The following SYT17 variants were observed in gnomAD, a reference collection of about 807,000 sequenced individuals.
SYT17 encodes the protein synaptotagmin-17.
In SYT17, 22 loss-of-function variants were observed where a neutral mutation model predicts 46.7. The observed-to-expected ratio is 0.47, with a 90% CI of 0.34 to 0.67. SYT17 has a LOEUF of 0.67. SYT17 is among the 30% of genes least tolerant of loss of function. The pLI, the probability that SYT17 is intolerant of heterozygous loss-of-function variation, is 0.01. For missense variants in SYT17, 519 were observed against 612.8 expected, an observed-to-expected ratio of 0.85 and a Z score of 1.62; for synonymous variants, 251 against 248.4, an observed-to-expected ratio of 1.01 and a Z score of -0.10.
intron 5 of SYT17, 97 bp from the exon 6 acceptor site, chr16:19,222,948 A>G (rs1206067441): frequency 1.3e-6 from 2 of 1,530,480 alleles, no homozygotes; most frequent in Non-Finnish European, 8.9e-7. Flanking sequence ...CGCTCACAGC[A>G]ACCTGTTTGT....
chr16:19,223,424 G>A (rs891310582), intron 6 of SYT17, among the ~76,000 whole-genome samples: 11 of 152,132 alleles, frequency 7.2e-5, no homozygotes, highest in African/African-American at 2.7e-4. Context: ...CAATGTAGAC[G>A]CCATCCTGCA....
intron 7 of SYT17, among the ~76,000 whole-genome samples, chr16:19,232,577 T>C (rs1488840725): frequency 6.6e-6 from 1 of 152,060 alleles, no homozygotes; most frequent in Non-Finnish European, 1.5e-5. Context: ...ACACCTCTAA[T>C]CCCAGCACTT....
chr16:19,245,214 A>G (rs993151803), intron 7 of SYT17, among the ~76,000 whole-genome samples: 4 of 152,140 alleles, frequency 2.6e-5, no homozygotes, highest in African/African-American at 7.2e-5. Flanking sequence ...CTGGGGTGAC[A>G]TTGTCTCCCT....
intron 5 of SYT17, among the ~76,000 whole-genome samples, chr16:19,199,823 A>G (rs973397499): frequency 3.9e-5 from 6 of 152,246 alleles, no homozygotes; most frequent in Non-Finnish European, 5.9e-5. Context: ...ACGTCTTTAC[A>G]TTTCAAGCAG....
At chr16:19,228,749 C>T (rs1371264472) in intron 7 of SYT17, among the ~76,000 whole-genome samples, 3 of 152,172 alleles carry the variant, frequency 2.0e-5, no homozygotes, top group Non-Finnish European at 4.4e-5. Flanking sequence ...CTACAGTTCT[C>T]CTGAACTCAG....
At chr16:19,181,082 ATGGTAGCTGTATGGGAT>A (rs1204853582) in intron 4 of SYT17, among the ~76,000 whole-genome samples, 1 of 152,230 alleles carries the variant, frequency 6.6e-6, no homozygotes, top group Admixed American at 6.5e-5. Flanking sequence ...GCTCTGGCCA[ATGGTAGCTGTATGGGAT>A]TGGGGGCTCC....
intron 7 of SYT17, among the ~76,000 whole-genome samples, chr16:19,247,248 G>T (rs990585378): frequency 1.3e-5 from 2 of 152,094 alleles, no homozygotes; most frequent in African/African-American, 4.8e-5. Flanking sequence ...TATTTGGTAG[G>T]TCTCCTGTTG....
At chr16:19,180,264 G>T (rs1213468300) in intron 3 of SYT17, 127 bp from the exon 4 acceptor site, 1 of 964,736 alleles carries the variant, frequency 1.0e-6, no homozygotes, top group South Asian at 1.6e-5. Context: ...TGTCAAATTT[G>T]CATTATTCCA....
chr16:19,225,007 A>G (rs1035971221), intron 7 of SYT17, among the ~76,000 whole-genome samples, 169 bp downstream of exon 7: 3 of 152,182 alleles, frequency 2.0e-5, no homozygotes, highest in Non-Finnish European at 4.4e-5. Context: ...GGACTCATAG[A>G]GCCCTATAAT....
intron 3 of SYT17, among the ~76,000 whole-genome samples, chr16:19,176,620 C>G (rs1259245645): frequency 5.3e-5 from 8 of 152,026 alleles, no homozygotes; most frequent in Admixed American, 5.2e-4. Flanking sequence ...AGTTTGCAGA[C>G]CCCTGTAATA....
chr16:19,173,378 G>GGCCC (rs2142509249), intron 2 of SYT17, 52 bp from the exon 3 acceptor site: 13 of 222,874 alleles, frequency 5.8e-5, no homozygotes, highest in East Asian at 1.8e-4. Flanking sequence ...TCCCCACCCT[G>GGCCC]CCCACCTCCC....
intron 5 of SYT17, among the ~76,000 whole-genome samples, chr16:19,188,410 A>C (rs186592140): frequency 6.6e-6 from 1 of 151,794 alleles, no homozygotes; most frequent in African/African-American, 2.4e-5. Flanking sequence ...TGGGTGATGA[A>C]ATAATCTATA....
Position 19,172,763 on chromosome 16 carries a change from G to C in SYT17, c.19G>C (p.Glu7Gln). The C allele has an allele frequency of 7.4e-6, 12 of 1,613,968 alleles. No individual in the cohort carries two copies. The highest frequency in any genetic ancestry group is 1.0e-5 in the Non-Finnish European group (12 of 1,180,018). MAYIQL[E>Q]PLNEGFLSRI... ...ATCGTGGATCTTAAAAGGGCAGTTG[G>C]AACCATTAAACGAGGTGGGTTCATT... The change falls in exon 2 of 8, where the codon GAA becomes CAA. Residue 7 changes from glutamate (E) to glutamine (Q), a missense_variant. Coordinates refer to ENST00000355377, the MANE Select transcript of SYT17 (RefSeq NM_016524.4).
chr16:19,244,130 T>C (rs1388032615), intron 7 of SYT17, among the ~76,000 whole-genome samples: 2 of 152,204 alleles, frequency 1.3e-5, no homozygotes, highest in Non-Finnish European at 2.9e-5. Flanking sequence ...TTATAAGCAC[T>C]GTCTCAACTC....
chr16:19,192,617 A>G (rs1965070795), intron 5 of SYT17, among the ~76,000 whole-genome samples: 1 of 152,160 alleles, frequency 6.6e-6, no homozygotes, highest in Non-Finnish European at 1.5e-5. Context: ...AAAGACAAGA[A>G]GTACCGGTGC....
At chr16:19,263,286 C>A (rs912844309) in intron 7 of SYT17, among the ~76,000 whole-genome samples, 1 of 152,140 alleles carries the variant, frequency 6.6e-6, no homozygotes, top group African/African-American at 2.4e-5. Flanking sequence ...TAATTTCTGT[C>A]TCTAAAGATC....
chr16:19,263,664 G>GA (rs907652868), intron 7 of SYT17, among the ~76,000 whole-genome samples: 14 of 132,218 alleles, frequency 1.1e-4, no homozygotes, highest in South Asian at 2.5e-4. Context: ...AAAAAGAAAA[G>GA]AAAAAAAAAA....
intron 6 of SYT17, 104 bp downstream of exon 6, chr16:19,223,269 C>T (rs1286738057): frequency 5.0e-6 from 7 of 1,409,650 alleles, no homozygotes; most frequent in South Asian, 2.8e-5. Flanking sequence ...CATTACTCAT[C>T]TCAGGATGAG....
intron 5 of SYT17, among the ~76,000 whole-genome samples, chr16:19,203,783 A>G (rs1965559240): frequency 6.6e-6 from 1 of 152,242 alleles, no homozygotes; most frequent in Non-Finnish European, 1.5e-5. Context: ...TGAAAGAGGT[A>G]AATCTCAGGC....
Sources: gnomAD v4.1 joint callset for allele counts (sites outside exome capture counted in the v4.1 genomes callset) on GRCh38, gnomAD v4.1.1 for gene constraint, MANE v1.5 for transcripts, NCBI Gene and HGNC (gene_info 2026-07-23, HGNC 2026-07-21) for gene names.